SPATS2: variants seen among roughly 807,000 people sequenced by gnomAD.
SPATS2 encodes spermatogenesis associated serine rich 2.
Under a neutral mutation model 63.7 loss-of-function variants are expected in SPATS2, and 38 were observed. The observed-to-expected ratio is 0.60, with a 90% CI of 0.46 to 0.78. The LOEUF is 0.78. SPATS2 is among the 30% of genes least tolerant of loss of function. The pLI is 0.00. For missense variants in SPATS2, 588 were observed against 666.2 expected (o/e 0.88, Z 1.29); for synonymous variants, 207 against 232.9 (o/e 0.89, Z 1.01).
chr12:49,402,338 G>A (rs570327978), intron 2 of SPATS2, among the ~76,000 whole-genome samples: 1 of 152,196 alleles, frequency 6.6e-6, no homozygotes, highest in South Asian at 2.1e-4. Context: ...GGAGGAAAAT[G>A]AGGATGTAAG....
At chr12:49,475,893 C>T (rs1048135150) in intron 3 of SPATS2, among the ~76,000 whole-genome samples, 4 of 152,148 alleles carry the variant, frequency 2.6e-5, no homozygotes, top group Non-Finnish European at 5.9e-5. Flanking sequence ...AATATCATTG[C>T]CTCCTGGCTG....
chr12:49,433,772 A>T (rs1363039405), intron 2 of SPATS2, among the ~76,000 whole-genome samples: 1 of 152,134 alleles, frequency 6.6e-6, no homozygotes. Flanking sequence ...TTGATTGCTT[A>T]GAAGTTTTAA....
chr12:49,421,325 G>A (rs1944977959), intron 2 of SPATS2, among the ~76,000 whole-genome samples: 1 of 145,778 alleles, frequency 6.9e-6, no homozygotes, highest in Non-Finnish European at 1.5e-5. Context: ...GGCTGAGGCA[G>A]GAGAATCTCT....
In SPATS2 at chr12:49,449,250, C is replaced by CGA. The variant is rs1945573295; in HGVS notation, c.-243-11520_-243-11519insGA. Among the ~76,000 whole-genome samples the CGA allele has an allele frequency of 2.0e-5, 3 of 152,322 alleles. No individual in the cohort carries two copies. The South Asian group carries it at 6.2e-4, about 32-fold the overall frequency. On this transcript the variant is annotated intron_variant, in intron 2 of 13. Coordinates refer to ENST00000552918, the MANE Select transcript of SPATS2 (RefSeq NM_023071.4). ...TTGTTTTCTGAGGCAGAGTCTCGCT[C>CGA]TGTCGCCCAAGCTGGAGTGCAGTGG... is the stretch of plus-strand genomic sequence containing the variant.
intron 2 of SPATS2, among the ~76,000 whole-genome samples, chr12:49,380,466 G>A (rs959024095): frequency 6.6e-6 from 1 of 152,128 alleles, no homozygotes; most frequent in African/African-American, 2.4e-5. Flanking sequence ...AGCACTTTGG[G>A]AGGCCGAGGT....
chr12:49,448,624 G>A (rs370699722), intron 2 of SPATS2, among the ~76,000 whole-genome samples: 39 of 149,294 alleles, frequency 2.6e-4, no homozygotes, highest in African/African-American at 7.6e-4. Context: ...ACCTGTAGTC[G>A]CAACTACTTG....
intron 2 of SPATS2, among the ~76,000 whole-genome samples, chr12:49,396,933 T>C (rs1028209084): frequency 6.6e-6 from 1 of 152,220 alleles, no homozygotes; most frequent in Non-Finnish European, 1.5e-5. Context: ...ATTCCACTCT[T>C]GTACCCCTAA....
intron 3 of SPATS2, among the ~76,000 whole-genome samples, chr12:49,468,797 C>T (rs1565737533): frequency 1.3e-5 from 2 of 152,106 alleles, no homozygotes; most frequent in Middle Eastern, 3.4e-3. Flanking sequence ...TTTCTTGCTA[C>T]GTAATTTTGC....
intron 2 of SPATS2, among the ~76,000 whole-genome samples, chr12:49,377,345 A>G (rs185618238): frequency 1.3e-5 from 2 of 152,300 alleles, no homozygotes. Flanking sequence ...ATGCGTAACA[A>G]CGACTACTAA....
rs567550528 is a variant in SPATS2, at chr12:49,503,446, G to A, written c.839+3241G>A. On this transcript the variant is annotated intron_variant, in intron 9 of 13. Coordinates refer to ENST00000552918, the MANE Select transcript of SPATS2 (RefSeq NM_023071.4). Reference sequence around the variant, plus strand: ...GGGTGGATCACGAGGTCAGGAGATGGAGACCATCCTGGCTAACAAGGTGAA... The same window carrying A: ...GGGTGGATCACGAGGTCAGGAGATGAAGACCATCCTGGCTAACAAGGTGAA... Among the ~76,000 whole-genome samples, 4 of 150,692 alleles carry A rather than the reference G, an allele frequency of 2.7e-5. No individual in the cohort carries two copies. In the Admixed American group the frequency reaches 2.7e-4, roughly 10 times the overall value.
Position 49,514,559 on chromosome 12 carries a change from A to C in SPATS2, c.844A>C (p.Met282Leu). Reference sequence around the variant, plus strand: ...TCCTTTGTCATCTTTTCCTAGTTTAATGGATCGAGAAGTGGCGTTGCTTGC... The same window carrying C: ...TCCTTTGTCATCTTTTCCTAGTTTACTGGATCGAGAAGTGGCGTTGCTTGC... The part of the protein sequence containing the change: ...QAFAELESCL[M>L]DREVALLAEM... Residue 282 changes from methionine to leucine, a missense_variant, in exon 10 of 14, where the codon ATG (methionine) becomes CTG (leucine). Transcript: ENST00000552918. 6.2e-7 allele frequency: 1 copy of C among 1,612,998 alleles called. No homozygotes were observed. Among genetic ancestry groups the C allele is most frequent in the Non-Finnish European group, 8.5e-7 (1 of 1,179,512 alleles).
intron 2 of SPATS2, among the ~76,000 whole-genome samples, chr12:49,443,893 A>G (rs1220149288): frequency 6.6e-6 from 1 of 152,158 alleles, no homozygotes; most frequent in African/African-American, 2.4e-5. Flanking sequence ...CTGTAGCTTT[A>G]TAGTAAGTTT....
intron 3 of SPATS2, among the ~76,000 whole-genome samples, chr12:49,465,717 G>T (rs560261253): frequency 6.6e-6 from 1 of 152,202 alleles, no homozygotes; most frequent in African/African-American, 2.4e-5. Flanking sequence ...GCCAAGGCAG[G>T]TGGATCACCT....
chr12:49,385,803 G>A (rs1475312838), intron 2 of SPATS2, among the ~76,000 whole-genome samples: 1 of 151,954 alleles, frequency 6.6e-6, no homozygotes, highest in Admixed American at 6.6e-5. Flanking sequence ...AGCCCCTTGA[G>A]GTTTGCAGTT....
intron 7 of SPATS2, among the ~76,000 whole-genome samples, chr12:49,495,341 C>G (rs1413888174): frequency 6.6e-6 from 1 of 151,968 alleles, no homozygotes; most frequent in Non-Finnish European, 1.5e-5. Context: ...CTACAGGCAC[C>G]CGCCACCACG....
chr12:49,516,157 AAAAAAAAAAATATATATATATATAT>A lies in SPATS2; in HGVS notation c.898+1546_898+1570del, dbSNP rs1946839080. ...CCATCTCAAAAAAAAAAAAAAAAAA[AAAAAAAAAAATATATATATATATAT>A]ATATATATATATATATATATATATA... On this transcript the variant is annotated intron_variant, in intron 10 of 13. Coordinates refer to ENST00000552918, the MANE Select transcript of SPATS2 (RefSeq NM_023071.4). 1.6e-4 allele frequency among the ~76,000 whole-genome samples: 7 copies of A among 43,898 alleles called. 1 individual carries two copies. Among genetic ancestry groups the A allele is most frequent in the Non-Finnish European group, 2.7e-4 (7 of 25,906 alleles). 28.8% of individuals were successfully genotyped at this position (43,898 alleles called of 152,430 possible).
intron 2 of SPATS2, among the ~76,000 whole-genome samples, chr12:49,457,767 G>A (rs1271908590): frequency 6.6e-6 from 1 of 152,154 alleles, no homozygotes; most frequent in African/African-American, 2.4e-5. Context: ...GACATGTGCT[G>A]TTGAGAAGCT....
chr12:49,371,451 C>A (rs1461858731), intron 2 of SPATS2, among the ~76,000 whole-genome samples, 161 bp downstream of exon 2: 5 of 152,206 alleles, frequency 3.3e-5, no homozygotes, highest in Non-Finnish European at 7.3e-5. Flanking sequence ...TTTATCCATT[C>A]ATTCTCAATG....
intron 8 of SPATS2, among the ~76,000 whole-genome samples, chr12:49,498,746 A>G (rs1946510180): frequency 6.7e-6 from 1 of 149,336 alleles, no homozygotes; most frequent in South Asian, 2.1e-4. Flanking sequence ...ATCTCTTCTT[A>G]CCACGCTTAT....
Sources: allele counts gnomAD v4.1 joint callset (sites outside exome capture counted in the v4.1 genomes callset), GRCh38; gene constraint gnomAD v4.1.1; transcripts MANE v1.5; gene names NCBI Gene and HGNC (gene_info 2026-07-23, HGNC 2026-07-21).